SMIM33: variants seen among roughly 807,000 people sequenced by gnomAD.
The protein encoded by SMIM33 is small integral membrane protein 33.
chr5:139,473,049 G>C lies in SMIM33; in HGVS notation c.*128G>C, dbSNP rs927743140. Reference sequence around the variant, plus strand: ...GGGCACACTGGACTCAGCTGGAGCTGCTCTCTCAGAACATTTATAGAGAGA... The same window carrying C: ...GGGCACACTGGACTCAGCTGGAGCTCCTCTCTCAGAACATTTATAGAGAGA... On this transcript the variant is annotated 3_prime_UTR_variant, in exon 2 of 2. Transcript: ENST00000637503. 39 of 397,182 alleles carry C rather than the reference G, an allele frequency of 9.8e-5. No individual in the cohort carries two copies. Among genetic ancestry groups the C allele is most frequent in the African/African-American group, 6.2e-4 (30 of 48,628 alleles). The allele number at this position is 397,182 out of a possible 1,614,324, so 24.6% of individuals were successfully genotyped here.
chr5:139,471,532 G>A (rs951062620), intron 1 of SMIM33, among the ~76,000 whole-genome samples: 2 of 152,116 alleles, frequency 1.3e-5, no homozygotes. Flanking sequence ...TCTTGGGCCT[G>A]TGAGGACCTC....
chr5:139,471,263 T>A (rs1751531357), intron 1 of SMIM33, 133 bp downstream of exon 1: 1 of 398,566 alleles, frequency 2.5e-6, no homozygotes, highest in African/African-American at 2.1e-5. Flanking sequence ...CCTGGGAACT[T>A]TGTGGCCTGG....
chr5:139,472,934 G>T lies in SMIM33; in HGVS notation c.*13G>T. ...CACTTGTCTGTAGGAGGGAGACTTT[G>T]GAGAGTTAGCCTGACCTAGCTCAGA... On this transcript the variant is annotated 3_prime_UTR_variant, in exon 2 of 2. Coordinates refer to ENST00000637503, the MANE Select transcript of SMIM33 (RefSeq NM_001365197.1). 1 of 400,676 alleles carries T rather than the reference G, an allele frequency of 2.5e-6. No individual in the cohort carries two copies. The highest frequency in any genetic ancestry group is 1.3e-4 in the South Asian group (1 of 7,936). The allele number at this position is 400,676 out of a possible 1,614,324, so 24.8% of individuals were successfully genotyped here. A position where few individuals can be genotyped will look rare whatever the true frequency, so the allele number is the denominator to read the frequency against.
chr5:139,472,970 G>A lies in SMIM33; in HGVS notation c.*49G>A, dbSNP rs1278392713. The A allele has an allele frequency of 1.0e-5, 4 of 399,412 alleles. No individual in the cohort carries two copies. Among genetic ancestry groups the A allele is most frequent in the Non-Finnish European group, 1.3e-5 (3 of 226,260 alleles). 24.7% of individuals were successfully genotyped at this position (399,412 alleles called of 1,614,324 possible). A position where few individuals can be genotyped will look rare whatever the true frequency, so the allele number is the denominator to read the frequency against. ...CTGACCTAGCTCAGAACAAGAAACC[G>A]GGCAGAGAACTAGGGCAAAAGCAAA... is the stretch of plus-strand genomic sequence containing the variant. On this transcript the variant is annotated 3_prime_UTR_variant, in exon 2 of 2. Coordinates refer to ENST00000637503, the MANE Select transcript of SMIM33 (RefSeq NM_001365197.1).
intron 1 of SMIM33, 90 bp from the exon 2 acceptor site, chr5:139,472,442 G>A (rs947881129): frequency 2.5e-6 from 1 of 396,818 alleles, no homozygotes; most frequent in South Asian, 1.4e-4. Context: ...CCCGCCTCAG[G>A]TTCCTTTGGG....
At chr5:139,471,212 C>T (rs1751530852) in intron 1 of SMIM33, 82 bp downstream of exon 1, 1 of 398,890 alleles carries the variant, frequency 2.5e-6, no homozygotes, top group Non-Finnish European at 4.4e-6. Context: ...TCAGCTTCCC[C>T]TTTTCCTCTG....
chr5:139,473,008 C>T lies in SMIM33; in HGVS notation c.*87C>T. 1 of 398,194 alleles carries T rather than the reference C, an allele frequency of 2.5e-6. No homozygotes were observed. The highest frequency in any genetic ancestry group is 3.6e-5 in the East Asian group (1 of 28,082). The allele number at this position is 398,194 out of a possible 1,614,324, so 24.7% of individuals were successfully genotyped here. On this transcript the variant is annotated 3_prime_UTR_variant, in exon 2 of 2. Transcript: ENST00000637503. ...GGGCAAAAGCAAATTGGAGCCTGGG[C>T]ATCAGAGCGTCGGAAGGGCACACTG...
At chr5:139,471,926 G>A (rs1751542220) in intron 1 of SMIM33, among the ~76,000 whole-genome samples, 1 of 152,164 alleles carries the variant, frequency 6.6e-6, no homozygotes, top group African/African-American at 2.4e-5. Flanking sequence ...GGGAGTAAGG[G>A]GAGCCTAAAA....
At position 139,472,868 on chromosome 5, in the gene SMIM33, T is replaced by G. The variant is rs1751558693; in HGVS notation, c.346T>G (p.Cys116Gly). 2.5e-6 allele frequency: 1 copy of G among 400,786 alleles called. No individual in the cohort carries two copies. Among genetic ancestry groups the G allele is most frequent in the African/African-American group, 2.1e-5 (1 of 48,720 alleles). 24.8% of individuals were successfully genotyped at this position (400,786 alleles called of 1,614,324 possible). The change falls in exon 2 of 2, where the codon TGC becomes GGC. Residue 116 changes from cysteine to glycine, a missense_variant. By Grantham distance (159) the Cys-to-Gly change is radical (BLOSUM62 -3). Coordinates refer to ENST00000637503, the MANE Select transcript of SMIM33 (RefSeq NM_001365197.1). The part of the protein sequence containing the change: ...APPGPLVPGS[C>G]PAPDGPRPSI... ...ACCGGGCCCTCTTGTCCCTGGCTCC[T>G]GCCCTGCGCCAGATGGACCCAGGCC...
At position 139,473,016 on chromosome 5, in the gene SMIM33, C is replaced by G; in HGVS notation, c.*95C>G. 1 of 397,950 alleles carries G rather than the reference C, an allele frequency of 2.5e-6. No homozygotes were observed. Among genetic ancestry groups the G allele is most frequent in the Non-Finnish European group, 4.4e-6 (1 of 226,186 alleles). 24.7% of individuals were successfully genotyped at this position (397,950 alleles called of 1,614,324 possible). A position where few individuals can be genotyped will look rare whatever the true frequency, so the allele number is the denominator to read the frequency against. On this transcript the variant is annotated 3_prime_UTR_variant, in exon 2 of 2. Coordinates refer to ENST00000637503, the MANE Select transcript of SMIM33 (RefSeq NM_001365197.1). ...GCAAATTGGAGCCTGGGCATCAGAG[C>G]GTCGGAAGGGCACACTGGACTCAGC...
intron 1 of SMIM33, among the ~76,000 whole-genome samples, chr5:139,471,956 T>A (rs1272515253): frequency 1.3e-5 from 2 of 152,176 alleles, no homozygotes; most frequent in East Asian, 3.8e-4. Flanking sequence ...AGGACCCCCT[T>A]TCCCCAGGAC....
In SMIM33 at chr5:139,472,597, G is replaced by A. The variant is rs1751553712; in HGVS notation, c.75G>A (p.Gln25=). 2 of 400,866 alleles carry A rather than the reference G, an allele frequency of 5.0e-6. No individual in the cohort carries two copies. The highest frequency in any genetic ancestry group is 2.5e-4 in the South Asian group (2 of 7,950). 24.8% of individuals were successfully genotyped at this position (400,866 alleles called of 1,614,324 possible). Reference sequence around the variant, plus strand: ...CATCAGAGCAGGAGCCCCAGAGGCAGCTTCCGGAGGTGCTAAGTGGCACCT... The same window carrying A: ...CATCAGAGCAGGAGCCCCAGAGGCAACTTCCGGAGGTGCTAAGTGGCACCT... The part of the protein sequence containing the change: ...NSSSEQEPQR[Q]LPEVLSGTWE... Residue 25 remains glutamine, a synonymous_variant, in exon 2 of 2, where the codon CAG becomes CAA. Coordinates refer to ENST00000637503, the MANE Select transcript of SMIM33 (RefSeq NM_001365197.1).
intron 1 of SMIM33, 30 bp from the exon 2 acceptor site, chr5:139,472,502 C>T: frequency 2.5e-6 from 1 of 399,446 alleles, no homozygotes; most frequent in East Asian, 3.6e-5. Context: ...ACATCCATGT[C>T]ACCCTCTCTC....
Position 139,471,132 on chromosome 5 carries a change from T to G in SMIM33, c.9+2T>G, listed in dbSNP as rs1751530046. The G allele has an allele frequency of 2.5e-6, 1 of 398,720 alleles. No homozygotes were observed. Among genetic ancestry groups the G allele is most frequent in the East Asian group, 3.6e-5 (1 of 28,080 alleles). 24.7% of individuals were successfully genotyped at this position (398,720 alleles called of 1,614,324 possible). ...GTGTCGGCCCGGACAATGCACCAGGTAGACTCTGCTCACCCCTTCCTGCCA... is the reference window on the plus strand; with the variant it reads ...GTGTCGGCCCGGACAATGCACCAGGGAGACTCTGCTCACCCCTTCCTGCCA... On this transcript the variant is annotated splice_donor_variant, in intron 1 of 1. Coordinates refer to ENST00000637503, the MANE Select transcript of SMIM33 (RefSeq NM_001365197.1). LOFTEE classifies it high-confidence loss of function.
rs1458785386 is a variant in SMIM33, at chr5:139,472,900, C to T, written c.378C>T (p.Ile126=). Residue 126 remains isoleucine (I), a synonymous_variant, in exon 2 of 2, where the codon ATC becomes ATT. Transcript: ENST00000637503. ...CGCCAGATGGACCCAGGCCCAGCAT[C>T]GATGAAGTCACTTGTCTGTAGGAGG... is the stretch of plus-strand genomic sequence containing the variant. The part of the protein sequence containing the change: ...CPAPDGPRPS[I]DEVTCL 7.5e-6 allele frequency: 3 copies of T among 400,838 alleles called. No homozygotes were observed. The highest frequency in any genetic ancestry group is 3.1e-4 in the Middle Eastern group (1 of 3,212). The allele number at this position is 400,838 out of a possible 1,614,324, so 24.8% of individuals were successfully genotyped here.
rs1751553646 is a variant in SMIM33 at position 139,472,595 on chromosome 5, C to T, written c.73C>T (p.Gln25Ter). 1 of 400,906 alleles carries T rather than the reference C, an allele frequency of 2.5e-6. No homozygotes were observed. Among genetic ancestry groups the T allele is most frequent in the South Asian group, 1.3e-4 (1 of 7,954 alleles). 24.8% of individuals were successfully genotyped at this position (400,906 alleles called of 1,614,324 possible). A position where few individuals can be genotyped will look rare whatever the true frequency, so the allele number is the denominator to read the frequency against. The change falls in exon 2 of 2, where the codon CAG becomes TAG. Residue 25 changes from glutamine to a stop codon, truncating the protein, a stop_gained. Transcript: ENST00000637503. LOFTEE classifies it low-confidence loss of function (END_TRUNC). The part of the protein sequence containing the change: ...NSSSEQEPQR[Q>*]LPEVLSGTWE... ...TTCATCAGAGCAGGAGCCCCAGAGG[C>T]AGCTTCCGGAGGTGCTAAGTGGCAC...
At chr5:139,472,505 CCT>C (rs1249058671) in intron 1 of SMIM33, 25 bp from the exon 2 acceptor site, 1 of 400,870 alleles carries the variant, frequency 2.5e-6, no homozygotes, top group Non-Finnish European at 4.4e-6. Context: ...TCCATGTCAC[CCT>C]CTCTCTCTGC....
chr5:139,472,983 G>A lies in SMIM33; in HGVS notation c.*62G>A. The stretch of plus-strand genomic sequence containing the variant: ...GAACAAGAAACCGGGCAGAGAACTA[G>A]GGCAAAAGCAAATTGGAGCCTGGGC... On this transcript the variant is annotated 3_prime_UTR_variant, in exon 2 of 2. Transcript: ENST00000637503. The A allele has an allele frequency of 2.5e-6, 1 of 399,026 alleles. No individual in the cohort carries two copies. Among genetic ancestry groups the A allele is most frequent in the Non-Finnish European group, 4.4e-6 (1 of 226,340 alleles). 24.7% of individuals were successfully genotyped at this position (399,026 alleles called of 1,614,324 possible). A position where few individuals can be genotyped will look rare whatever the true frequency, so the allele number is the denominator to read the frequency against.
Position 139,472,862 on chromosome 5 carries a change from G to A in SMIM33, c.340G>A (p.Gly114Ser). ...EEAPPGPLVP[G>S]SCPAPDGPRP... ...AGCACCACCGGGCCCTCTTGTCCCT[G>A]GCTCCTGCCCTGCGCCAGATGGACC... The change falls in exon 2 of 2, where the codon GGC (glycine) becomes AGC (serine). Residue 114 changes from glycine to serine, a missense_variant. By Grantham distance (56) the Gly-to-Ser change is moderately conservative (BLOSUM62 0). Transcript: ENST00000637503. The A allele has an allele frequency of 2.5e-6, 1 of 400,888 alleles. No individual in the cohort carries two copies. The highest frequency in any genetic ancestry group is 4.4e-6 in the Non-Finnish European group (1 of 226,352). 24.8% of individuals were successfully genotyped at this position (400,888 alleles called of 1,614,324 possible).
Sources: allele counts gnomAD v4.1 joint callset (sites outside exome capture counted in the v4.1 genomes callset), GRCh38; gene constraint gnomAD v4.1.1; transcripts MANE v1.5; gene names NCBI Gene and HGNC (gene_info 2026-07-23, HGNC 2026-07-21).